PKN2: variants seen among roughly 807,000 people sequenced by gnomAD.
PKN2 encodes the protein serine/threonine-protein kinase N2.
Under a neutral mutation model 119.1 loss-of-function variants are expected in PKN2, and 38 were observed. That is an observed-to-expected ratio of 0.32 (90% confidence interval 0.25 to 0.42). PKN2 has a LOEUF of 0.42. Ranked by LOEUF, PKN2 falls within the 10% of genes least tolerant of loss-of-function variation. The probability of loss-of-function intolerance (pLI) is 1.00; values close to 1 mark genes in which losing one functional copy is unlikely to be tolerated. For missense variants in PKN2, 850 were observed against 1,165.1 expected (o/e 0.73, Z 3.94); for synonymous variants, 390 against 384.9 (o/e 1.01, Z -0.15).
chr1:88,742,594 C>G (rs1332595175), intron 2 of PKN2, among the ~76,000 whole-genome samples: 1 of 151,900 alleles, frequency 6.6e-6, no homozygotes, highest in Non-Finnish European at 1.5e-5. Flanking sequence ...ATCTAGTATT[C>G]TTACACACTC....
At chr1:88,722,823 T>C (rs2100709039) in intron 1 of PKN2, among the ~76,000 whole-genome samples, 1 of 151,886 alleles carries the variant, frequency 6.6e-6, no homozygotes. Flanking sequence ...AATTATTGAT[T>C]GACTGTGATG....
intron 6 of PKN2, 137 bp downstream of exon 6, chr1:88,772,016 A>G (rs1251752559): frequency 3.2e-6 from 2 of 621,844 alleles, no homozygotes; most frequent in African/African-American, 1.9e-5. Flanking sequence ...TTGTTGTATT[A>G]ACCATTTTAA....
intron 2 of PKN2, among the ~76,000 whole-genome samples, chr1:88,745,767 AC>A (rs1471165331): frequency 6.6e-6 from 1 of 152,144 alleles, no homozygotes; most frequent in Non-Finnish European, 1.5e-5. Context: ...ATCAGAAAAG[AC>A]CCTACACCAT....
At position 88,684,378 on chromosome 1, in the gene PKN2, C is replaced by G; in HGVS notation, c.-203C>G. The G allele has an allele frequency of 2.0e-6, 1 of 499,980 alleles. No individual in the cohort carries two copies. The highest frequency in any genetic ancestry group is 3.5e-6 in the Non-Finnish European group (1 of 283,330). The allele number at this position is 499,980 out of a possible 1,614,324, so 31.0% of individuals were successfully genotyped here. A position where few individuals can be genotyped will look rare whatever the true frequency, so the allele number is the denominator to read the frequency against. On this transcript the variant is annotated 5_prime_UTR_variant, in exon 1 of 22. Coordinates refer to ENST00000370521, the MANE Select transcript of PKN2 (RefSeq NM_006256.4). Reference sequence around the variant, plus strand: ...GAGGGCGGCGAGAGGAAGCCCGCTACGAGTGCCCTAGCTCCCCGCCGCTCT... The same window carrying G: ...GAGGGCGGCGAGAGGAAGCCCGCTAGGAGTGCCCTAGCTCCCCGCCGCTCT...
intron 2 of PKN2, among the ~76,000 whole-genome samples, chr1:88,751,217 A>T (rs1336530621): frequency 2.0e-5 from 3 of 151,766 alleles, no homozygotes; most frequent in African/African-American, 7.3e-5. Context: ...AGCAGAATCT[A>T]GGTGATGGGT....
intron 6 of PKN2, among the ~76,000 whole-genome samples, chr1:88,779,324 C>T (rs1670234524): frequency 6.6e-6 from 1 of 150,814 alleles, no homozygotes; most frequent in Admixed American, 6.6e-5. Flanking sequence ...TTCTGATAAA[C>T]TCAGTTCTGA....
rs397844615 is a variant in PKN2, at chr1:88,728,894, C to CTTT, written c.49-12077_49-12075dup. Among the ~76,000 whole-genome samples the CTTT allele has an allele frequency of 5.7e-4, 74 of 130,242 alleles. 2 individuals carry two copies. The highest frequency in any genetic ancestry group is 1.9e-3 in the African/African-American group (65 of 34,922). The allele number at this position is 130,242 out of a possible 152,430, so 85.4% of individuals were successfully genotyped here. A position where few individuals can be genotyped will look rare whatever the true frequency, so the allele number is the denominator to read the frequency against. ...CCAGTGATGTTATTAACATCCCCATCTTTTTTTTTTTTTTTTTTTAGATGG... is the reference window on the plus strand; with the variant it reads ...CCAGTGATGTTATTAACATCCCCATCTTTTTTTTTTTTTTTTTTTTTTAGATGG... On this transcript the variant is annotated intron_variant, in intron 1 of 21. Coordinates refer to ENST00000370521, the MANE Select transcript of PKN2 (RefSeq NM_006256.4).
intron 16 of PKN2, among the ~76,000 whole-genome samples, chr1:88,820,606 CAT>C (rs1453410619): frequency 2.0e-5 from 3 of 151,316 alleles, no homozygotes; most frequent in Admixed American, 1.3e-4. Context: ...AAATATAAAA[CAT>C]AGCTATATTA....
intron 2 of PKN2, among the ~76,000 whole-genome samples, chr1:88,749,592 T>C (rs1275658696): frequency 6.6e-6 from 1 of 152,230 alleles, no homozygotes; most frequent in African/African-American, 2.4e-5. Flanking sequence ...CTTTAATTAT[T>C]CAGCATTCAT....
chr1:88,691,351 G>A (rs942787727), intron 1 of PKN2, among the ~76,000 whole-genome samples: 7 of 152,016 alleles, frequency 4.6e-5, no homozygotes, highest in South Asian at 2.1e-4. Context: ...AGATGTGAGC[G>A]TCTGTGCCTG....
chr1:88,816,142 T>TAA (rs71084925), intron 16 of PKN2, among the ~76,000 whole-genome samples: 9 of 151,076 alleles, frequency 6.0e-5, no homozygotes, highest in South Asian at 2.1e-4. Flanking sequence ...CCCCCCAAAT[T>TAA]AAAAAAAAGA....
At chr1:88,742,383 C>G (rs1266671884) in intron 2 of PKN2, among the ~76,000 whole-genome samples, 4 of 152,130 alleles carry the variant, frequency 2.6e-5, no homozygotes, top group Admixed American at 6.5e-5. Flanking sequence ...TTTTCGACAT[C>G]ACTTTCAACA....
At chr1:88,733,855 C>T (rs1209509674) in intron 1 of PKN2, among the ~76,000 whole-genome samples, 4 of 152,072 alleles carry the variant, frequency 2.6e-5, no homozygotes, top group Admixed American at 6.5e-5. Flanking sequence ...GCATTTAGTT[C>T]GAGTATCATG....
At chr1:88,829,241 A>C in intron 19 of PKN2, 1 of 706,718 alleles carries the variant, frequency 1.4e-6, no homozygotes, top group South Asian at 1.4e-5. Context: ...AGCCATGTTG[A>C]GTGGCCCAGG....
intron 15 of PKN2, among the ~76,000 whole-genome samples, chr1:88,809,077 G>T (rs1208874995): frequency 6.6e-6 from 1 of 152,088 alleles, no homozygotes; most frequent in African/African-American, 2.4e-5. Flanking sequence ...GCCTCAAAAG[G>T]TTGAGATTTA....
Position 88,832,770 on chromosome 1 carries a change from G to A in PKN2, c.2589G>A (p.Glu863=). Residue 863 remains glutamate (E), a synonymous_variant, in exon 20 of 22, where the codon GAG becomes GAA. Transcript: ENST00000370521. Reference sequence around the variant, plus strand: ...CTCCCTTTCCTGGTGATGATGAAGAGGAAGTTTTTGACAGTATTGTAAATG... The same window carrying A: ...CTCCCTTTCCTGGTGATGATGAAGAAGAAGTTTTTGACAGTATTGTAAATG... ...GESPFPGDDE[E]EVFDSIVNDE... The A allele has an allele frequency of 6.2e-7, 1 of 1,600,528 alleles. No individual in the cohort carries two copies. The highest frequency in any genetic ancestry group is 2.2e-5 in the East Asian group (1 of 44,588).
chr1:88,769,699 T>A (rs1669807597), intron 3 of PKN2, among the ~76,000 whole-genome samples: 1 of 151,982 alleles, frequency 6.6e-6, no homozygotes. Flanking sequence ...CAAAGTGAAA[T>A]AAGCCAGACA....
chr1:88,717,162 C>G (rs1667488736), intron 1 of PKN2, among the ~76,000 whole-genome samples: 1 of 152,156 alleles, frequency 6.6e-6, no homozygotes, highest in Admixed American at 6.5e-5. Context: ...GCCAAGAGAT[C>G]AGCTGTTAGT....
At chr1:88,782,313 A>G (rs1234957017) in intron 6 of PKN2, among the ~76,000 whole-genome samples, 2 of 151,272 alleles carry the variant, frequency 1.3e-5, no homozygotes, top group African/African-American at 4.9e-5. Context: ...TTCTTTGTTT[A>G]GTGTTCTTTG....
Sources: gnomAD v4.1 joint callset for allele counts (sites outside exome capture counted in the v4.1 genomes callset) on GRCh38, gnomAD v4.1.1 for gene constraint, MANE v1.5 for transcripts, NCBI Gene and HGNC (gene_info 2026-07-23, HGNC 2026-07-21) for gene names.